The following MYH11 variants were observed in gnomAD, a reference collection of about 807,000 sequenced individuals.
The protein encoded by MYH11 is myosin-11.
MYH11 carries 80 observed loss-of-function variants against 246.6 expected under a neutral mutation model. The observed-to-expected ratio is 0.32, with a 90% CI of 0.27 to 0.39. The LOEUF (loss-of-function observed/expected upper bound fraction) is 0.39. MYH11 is among the 10% of genes least tolerant of loss of function. The probability of loss-of-function intolerance (pLI) is 1.00; values close to 1 mark genes in which losing one functional copy is unlikely to be tolerated. For missense variants in MYH11, 2,158 were observed against 2,546.8 expected (o/e 0.85, Z 3.29); for synonymous variants, 1,071 against 1,015.5 (o/e 1.05, Z -1.04).
At chr16:15,841,296 C>G (rs1389263164) in intron 1 of MYH11, among the ~76,000 whole-genome samples, 1 of 152,148 alleles carries the variant, frequency 6.6e-6, no homozygotes, top group Non-Finnish European at 1.5e-5. Context: ...CACCATCACA[C>G]CCAGCTAATT....
At chr16:15,712,684 C>G (rs1411481464) in intron 40 of MYH11, among the ~76,000 whole-genome samples, 3 of 151,886 alleles carry the variant, frequency 2.0e-5, no homozygotes, top group African/African-American at 7.3e-5. Flanking sequence ...GAGGGACAAC[C>G]CCACAGGTCG....
intron 6 of MYH11, among the ~76,000 whole-genome samples, chr16:15,781,721 ACTCT>A (rs1255293163): frequency 6.6e-6 from 1 of 151,958 alleles, no homozygotes; most frequent in Admixed American, 6.6e-5. Context: ...TGCCTCACTT[ACTCT>A]CTGTTATTCA....
intron 27 of MYH11, among the ~76,000 whole-genome samples, chr16:15,731,103 G>C (rs1285842723): frequency 6.6e-6 from 1 of 152,162 alleles, no homozygotes; most frequent in Non-Finnish European, 1.5e-5. Flanking sequence ...ATTACGGGAG[G>C]CATGAGCCGC....
intron 30 of MYH11, 84 bp from the exon 31 acceptor site, chr16:15,724,493 G>A: frequency 1.2e-6 from 2 of 1,608,824 alleles, no homozygotes; most frequent in Non-Finnish European, 1.7e-6. Context: ...GAGAAGCGAA[G>A]ACCATGTCTC....
chr16:15,807,639 G>C (rs936892396), intron 3 of MYH11, among the ~76,000 whole-genome samples: 5 of 152,028 alleles, frequency 3.3e-5, no homozygotes, highest in Admixed American at 2.0e-4. Flanking sequence ...AGCTGGGGGC[G>C]GCCGGCCATC....
Position 15,779,211 on chromosome 16 carries a change from C to T in MYH11, c.727-368G>A, listed in dbSNP as rs76216053. 3,553 of 368,672 alleles carry T rather than the reference C, an allele frequency of 9.6e-3. 48 individuals are homozygous for T. Among genetic ancestry groups the T allele is most frequent in the South Asian group, 0.02 (876 of 43,086 alleles). The allele number at this position is 368,672 out of a possible 1,614,324, so 22.8% of individuals were successfully genotyped here. The stretch of plus-strand genomic sequence containing the variant: ...GTGGTGCAATCACAGCTCACTGTAA[C>T]CTTGAACTCCTGGGCTCAAGCAATC... On this transcript the variant is annotated intron_variant, in intron 6 of 40. Transcript: ENST00000300036.
Position 15,715,249 on chromosome 16 carries a change from G to C in MYH11, c.5528C>G (p.Ser1843Trp), listed in dbSNP as rs148621523. The C allele has an allele frequency of 3.1e-6, 5 of 1,614,032 alleles. No individual in the cohort carries two copies. The highest frequency in any genetic ancestry group is 1.7e-5 in the Admixed American group (1 of 60,010). Reference sequence around the variant, plus strand: ...CAGCTTCTTGTCTTTCTGCTTCAGCGACTTGGTGGCCGCCTGTTTCTCTCT... The same window carrying C: ...CAGCTTCTTGTCTTTCTGCTTCAGCCACTTGGTGGCCGCCTGTTTCTCTCT... The part of the protein sequence containing the change: ...EAREKQAATK[S>W]LKQKDKKLKE... The change falls in exon 39 of 41, where the codon TCG becomes TGG. Residue 1843 changes from serine to tryptophan, a missense_variant. Physicochemically the swap from Ser to Trp is radical, Grantham distance 177. Coordinates refer to ENST00000300036, the MANE Select transcript of MYH11 (RefSeq NM_002474.3).
intron 4 of MYH11, chr16:15,792,047 A>C (rs539777274): frequency 7.9e-5 from 12 of 152,302 alleles, no homozygotes; most frequent in African/African-American, 2.6e-4. Context: ...CTGGTATGCC[A>C]AAATGTTAGT....
intron 26 of MYH11, among the ~76,000 whole-genome samples, 169 bp downstream of exon 26, chr16:15,735,197 G>GA (rs938309873): frequency 7.4e-5 from 11 of 149,110 alleles, no homozygotes; most frequent in South Asian, 6.4e-4. Flanking sequence ...AAAAAAGAAA[G>GA]AAAAAAAAGA....
In MYH11 at chr16:15,724,405, G is replaced by A. The variant is rs1401689647; in HGVS notation, c.4121C>T (p.Ser1374Phe). 1 of 1,613,728 alleles carries A rather than the reference G, an allele frequency of 6.2e-7. No individual in the cohort carries two copies. Among genetic ancestry groups the A allele is most frequent in the African/African-American group, 1.3e-5 (1 of 74,896 alleles). ...RHISTLNIQL[S>F]DSKKKLQDFA... is the part of the protein sequence containing the mutation. ...GTCCTGCAGCTTCTTCTTCGAGTCGGAGAGCTACAAGGACAGCGTCCAGGG... is the reference window on the plus strand; with the variant it reads ...GTCCTGCAGCTTCTTCTTCGAGTCGAAGAGCTACAAGGACAGCGTCCAGGG... The change falls in exon 31 of 41, where the codon TCC becomes TTC. Residue 1374 changes from serine (S) to phenylalanine (F), a missense_variant. By Grantham distance (155) the Ser-to-Phe change is radical (BLOSUM62 -2). Transcript: ENST00000300036.
At chr16:15,842,588 C>T (rs1348249930) in intron 1 of MYH11, among the ~76,000 whole-genome samples, 3 of 151,160 alleles carry the variant, frequency 2.0e-5, no homozygotes, top group African/African-American at 7.3e-5. Context: ...GTGGCGAAAC[C>T]TGATCTCTAC....
intron 40 of MYH11, 149 bp downstream of exon 40, chr16:15,714,760 C>T (rs2040022017): frequency 1.9e-6 from 2 of 1,039,674 alleles, no homozygotes; most frequent in Non-Finnish European, 2.9e-6. Context: ...CCACACTAAG[C>T]TTAGTGATTA....
intron 1 of MYH11, among the ~76,000 whole-genome samples, chr16:15,854,811 G>C (rs573673515): frequency 2.5e-4 from 38 of 152,140 alleles, no homozygotes; most frequent in Admixed American, 2.0e-4. Context: ...AAGACCTGTG[G>C]AAAGGAGACA....
chr16:15,792,366 A>G (rs1239703763), intron 4 of MYH11: 1 of 152,146 alleles, frequency 6.6e-6, no homozygotes. Context: ...TACTTTTATA[A>G]CCACTGCTTC....
chr16:15,760,037 C>T lies in MYH11; in HGVS notation c.1249-309G>A, dbSNP rs80288139. Among the ~76,000 whole-genome samples the T allele has an allele frequency of 0.067, 10,256 of 152,190 alleles. 1,179 individuals carry two copies. Among genetic ancestry groups the T allele is most frequent in the African/African-American group, 0.23 (9,705 of 41,488 alleles). ...GTTTGAATCTGGGAGGCAGAGGCTA[C>T]AGTGAGCTGCGATGGCACCACTGCA... On this transcript the variant is annotated intron_variant, in intron 11 of 40. Coordinates refer to ENST00000300036, the MANE Select transcript of MYH11 (RefSeq NM_002474.3).
rs2040489167 is a variant in MYH11, at chr16:15,721,619, T to C, written c.4381A>G (p.Lys1461Glu). 4 of 1,614,190 alleles carry C rather than the reference T, an allele frequency of 2.5e-6. No homozygotes were observed. The highest frequency in any genetic ancestry group is 3.4e-6 in the Non-Finnish European group (4 of 1,180,048). Residue 1461 changes from lysine (K) to glutamate (E), a missense_variant, in exon 32 of 41, where the codon AAA (lysine) becomes GAA (glutamate). This residue lies in a region of MYH11 where 1,013 missense variants were observed against 993.5 expected (regional missense o/e 1.02). Transcript: ENST00000300036. ...TCCGCGTATTTGGAAGAGATGTTTTTCTCCTCGGCTAACAACTACAACACA... is the reference window on the plus strand; with the variant it reads ...TCCGCGTATTTGGAAGAGATGTTTTCCTCCTCGGCTAACAACTACAACACA... ...RKFDQLLAEEKNISSKYADER... is the reference protein window; with the variant it reads ...RKFDQLLAEEENISSKYADER...
rs546664218 is a variant in MYH11, at chr16:15,848,747, T to C, written c.-18+8194A>G. 4.6e-3 allele frequency among the ~76,000 whole-genome samples: 695 copies of C among 152,218 alleles called. 3 individuals are homozygous for C. The highest frequency in any genetic ancestry group is 6.5e-3 in the Non-Finnish European group (441 of 68,018). On this transcript the variant is annotated intron_variant, in intron 1 of 40. Coordinates refer to ENST00000300036, the MANE Select transcript of MYH11 (RefSeq NM_002474.3). ...TGCTTCCAGTTGAGAACCACAGCTT[T>C]AGAATAAAAACAAGGGCTGTCTTGG... is the stretch of plus-strand genomic sequence containing the variant.
chr16:15,728,998 G>A (rs77551232), intron 27 of MYH11, among the ~76,000 whole-genome samples: 3,174 of 152,136 alleles, frequency 0.021, 113 homozygotes, highest in African/African-American at 0.072. Flanking sequence ...CCGAGAGGAC[G>A]AGACCCACCA....
At chr16:15,807,770 G>A (rs1274936578) in intron 3 of MYH11, among the ~76,000 whole-genome samples, 6 of 152,090 alleles carry the variant, frequency 3.9e-5, no homozygotes, top group Admixed American at 1.3e-4. Context: ...ACCCAGCCTC[G>A]GATGTGTAAG....
Sources: gnomAD v4.1 joint callset for allele counts (sites outside exome capture counted in the v4.1 genomes callset) on GRCh38, gnomAD v4.1.1 for gene constraint, gnomAD v4.1.1 regional missense constraint, MANE v1.5 for transcripts, NCBI Gene and HGNC (gene_info 2026-07-23, HGNC 2026-07-21) for gene names.